Variants in ALK observed in about 807,000 individuals in gnomAD.
ALK encodes ALK receptor tyrosine kinase.
ALK carries 74 observed loss-of-function variants against 163.1 expected under a neutral mutation model. That is an observed-to-expected ratio of 0.45 (90% CI 0.38 to 0.55). ALK has a LOEUF of 0.55. ALK is among the 20% of genes least tolerant of loss of function. ALK has a pLI of 0.00. For synonymous variants in ALK, 960 were observed against 843.2 expected (o/e 1.14, Z -2.40); for missense variants, 2,063 against 2,105.3 (o/e 0.98, Z 0.39).
chr2:29,563,320 T>C (rs1322376410), intron 3 of ALK, among the ~76,000 whole-genome samples: 1 of 152,186 alleles, frequency 6.6e-6, no homozygotes, highest in Non-Finnish European at 1.5e-5. Flanking sequence ...AAAGGATCAC[T>C]AGATTCCACG....
chr2:29,448,721 G>C (rs1433719313), intron 4 of ALK, among the ~76,000 whole-genome samples: 1 of 152,126 alleles, frequency 6.6e-6, no homozygotes, highest in Non-Finnish European at 1.5e-5. Context: ...TATATATTCA[G>C]ACCAATAAAG....
At chr2:29,445,729 G>A (rs1406041693) in intron 4 of ALK, among the ~76,000 whole-genome samples, 1 of 152,192 alleles carries the variant, frequency 6.6e-6, no homozygotes, top group African/African-American at 2.4e-5. Flanking sequence ...GGCTGAGGCA[G>A]TAGAATCACT....
rs1668903475 is a variant in ALK, at chr2:29,192,820, A to G, written c.*404T>C. ...TTTATTTCCGTTCCCTCTCCCCTCA[A>G]ATGGCTCATGTCCACATCAACAAGG... On this transcript the variant is annotated 3_prime_UTR_variant, in exon 29 of 29. Transcript: ENST00000389048. 1 of 312,746 alleles carries G rather than the reference A, an allele frequency of 3.2e-6. No individual in the cohort carries two copies. Among genetic ancestry groups the G allele is most frequent in the East Asian group, 4.9e-5 (1 of 20,406 alleles). 19.4% of individuals were successfully genotyped at this position (312,746 alleles called of 1,614,324 possible).
chr2:29,372,086 A>C (rs1343238145), intron 5 of ALK, among the ~76,000 whole-genome samples: 1 of 152,212 alleles, frequency 6.6e-6, no homozygotes, highest in Admixed American at 6.5e-5. Context: ...GGTAAAACTG[A>C]AGCTCTTGAA....
At chr2:29,910,259 C>T (rs972394961) in intron 1 of ALK, among the ~76,000 whole-genome samples, 16 of 151,842 alleles carry the variant, frequency 1.1e-4, no homozygotes, top group African/African-American at 2.7e-4. Context: ...TTTATTAGCA[C>T]ATTAGACACT....
intron 1 of ALK, among the ~76,000 whole-genome samples, chr2:29,825,031 G>A (rs1429738714): frequency 6.6e-6 from 1 of 152,212 alleles, no homozygotes; most frequent in African/African-American, 2.4e-5. Context: ...TCTCATGATA[G>A]TGAGTAAGGC....
intron 4 of ALK, among the ~76,000 whole-genome samples, chr2:29,401,367 G>A (rs906682115): frequency 9.9e-5 from 15 of 152,154 alleles, no homozygotes; most frequent in Non-Finnish European, 1.5e-4. Flanking sequence ...GGACTCTCCA[G>A]AGCTCAGCTG....
intron 4 of ALK, among the ~76,000 whole-genome samples, chr2:29,464,851 T>G (rs956331816): frequency 2.0e-5 from 3 of 152,192 alleles, no homozygotes; most frequent in Admixed American, 6.5e-5. Context: ...TTGAGAAACC[T>G]TGTTGTAGAG....
intron 3 of ALK, among the ~76,000 whole-genome samples, chr2:29,604,972 T>C (rs1573493244): frequency 6.6e-6 from 1 of 152,170 alleles, no homozygotes; most frequent in Non-Finnish European, 1.5e-5. Flanking sequence ...AGCCAATAAA[T>C]ATAGGTGATA....
chr2:29,825,873 G>T (rs1268462224), intron 1 of ALK, among the ~76,000 whole-genome samples: 1 of 152,110 alleles, frequency 6.6e-6, no homozygotes, highest in Non-Finnish European at 1.5e-5. Context: ...TGAGAAGTTA[G>T]AATCAAAACA....
At chr2:29,722,838 A>G (rs1295148331) in intron 1 of ALK, among the ~76,000 whole-genome samples, 2 of 152,110 alleles carry the variant, frequency 1.3e-5, no homozygotes, top group Non-Finnish European at 2.9e-5. Context: ...CCCTTCCCCT[A>G]AACCCCAGGT....
chr2:29,739,511 T>C (rs1006900478), intron 1 of ALK, among the ~76,000 whole-genome samples: 3 of 151,068 alleles, frequency 2.0e-5, no homozygotes, highest in African/African-American at 7.3e-5. Context: ...TGAGCCGAGA[T>C]TGCGCCACTG....
chr2:29,455,422 T>C (rs1670927111), intron 4 of ALK, among the ~76,000 whole-genome samples: 1 of 152,170 alleles, frequency 6.6e-6, no homozygotes, highest in Non-Finnish European at 1.5e-5. Context: ...ACTTCTGCTG[T>C]CCTGTGTGCG....
intron 24 of ALK, among the ~76,000 whole-genome samples, chr2:29,213,334 A>T (rs1669512640): frequency 6.6e-6 from 1 of 152,262 alleles, no homozygotes; most frequent in Non-Finnish European, 1.5e-5. Flanking sequence ...TAAGTATAGA[A>T]GCAATGAAAA....
chr2:29,846,014 A>G (rs1489463428), intron 1 of ALK, among the ~76,000 whole-genome samples: 1 of 152,218 alleles, frequency 6.6e-6, no homozygotes, highest in Non-Finnish European at 1.5e-5. Flanking sequence ...TATATCATAT[A>G]GTGCTATAGT....
chr2:29,791,564 A>C (rs1025291679), intron 1 of ALK, among the ~76,000 whole-genome samples: 2 of 152,140 alleles, frequency 1.3e-5, no homozygotes, highest in Non-Finnish European at 2.9e-5. Context: ...CCACCATGGC[A>C]TGTGTATACC....
In ALK at chr2:29,209,831, C is replaced by T. The variant is rs1010341473; in HGVS notation, c.3791G>A (p.Arg1264Lys). 1 of 1,614,186 alleles carries T rather than the reference C, an allele frequency of 6.2e-7. No homozygotes were observed. The highest frequency in any genetic ancestry group is 8.5e-7 in the Non-Finnish European group (1 of 1,180,024). Residue 1264 changes from arginine (R) to lysine (K), a missense_variant, in exon 25 of 29, where the codon AGA becomes AAA. This residue lies in a region of ALK where 83 missense variants were observed against 139.7 expected (regional missense o/e 0.59). Coordinates refer to ENST00000389048, the MANE Select transcript of ALK (RefSeq NM_004304.5). ...CCCGAAGTCTCCAATCTTGGCCACT[C>T]TTCCAGGGCCTGGACAGGTCAAGAG... ...NCLLTCPGPGRVAKIGDFGMA... is the reference protein window; with the variant it reads ...NCLLTCPGPGKVAKIGDFGMA...
intron 5 of ALK, among the ~76,000 whole-genome samples, chr2:29,380,342 G>C (rs943198951): frequency 6.6e-6 from 1 of 152,010 alleles, no homozygotes. Flanking sequence ...TTGACCTCGT[G>C]ATCCACCTGC....
chr2:29,768,912 C>T (rs983880226), intron 1 of ALK, among the ~76,000 whole-genome samples: 2 of 152,040 alleles, frequency 1.3e-5, no homozygotes, highest in African/African-American at 2.4e-5. Flanking sequence ...CAGCTCACTG[C>T]AGCCTTGACT....
Sources: gnomAD v4.1 joint callset for allele counts (sites outside exome capture counted in the v4.1 genomes callset) on GRCh38, gnomAD v4.1.1 for gene constraint, gnomAD v4.1.1 regional missense constraint, MANE v1.5 for transcripts, NCBI Gene and HGNC (gene_info 2026-07-23, HGNC 2026-07-21) for gene names.